CFH: variants seen among roughly 807,000 people sequenced by gnomAD.
The protein encoded by CFH is H factor 1 (complement).
A neutral mutation model predicts 147.3 loss-of-function variants in CFH; 53 were observed. The ratio of observed to expected loss-of-function variants is 0.36; its 90% CI spans 0.29 to 0.45. The LOEUF (loss-of-function observed/expected upper bound fraction) is 0.45, where lower values mean the gene tolerates loss of function less well. Among genes scored for constraint, CFH ranks in the 20% least tolerant of loss-of-function variants. The probability of loss-of-function intolerance (pLI) is 1.00; values close to 1 mark genes in which losing one functional copy is unlikely to be tolerated. For synonymous variants in CFH, 536 were observed against 489.4 expected (o/e 1.10, Z -1.26); for missense variants, 1,380 against 1,498.0 (o/e 0.92, Z 1.30).
intron 15 of CFH, among the ~76,000 whole-genome samples, chr1:196,734,249 A>G (rs1017282119): frequency 6.6e-6 from 1 of 152,108 alleles, no homozygotes; most frequent in African/African-American, 2.4e-5. Context: ...CCTGTTAAGT[A>G]GGAGTCCCTT....
intron 9 of CFH, among the ~76,000 whole-genome samples, chr1:196,706,226 G>A (rs2300429): frequency 0.23 from 35,652 of 151,968 alleles, 4,931 homozygotes; most frequent in African/African-American, 0.36. Context: ...TTTTATTGTT[G>A]TCCATGCTCA....
At chr1:196,677,224 C>CAAAAAAA in intron 4 of CFH, 1 of 379,292 alleles carries the variant, frequency 2.6e-6, no homozygotes, top group East Asian at 4.8e-5. Flanking sequence ...TTTGTTACTA[C>CAAAAAAA]AAAAATACAA....
rs756189687 is a variant in CFH at position 196,673,202 on chromosome 1, G to C, written c.244+39G>C. The C allele has an allele frequency of 9.1e-6, 14 of 1,540,102 alleles. No homozygotes were observed. In the South Asian group the frequency reaches 1.3e-4, roughly 15 times the overall value. ...ACATTTGTGAAATTTATGAAAACTA[G>C]GTGTAAAAATACTTAAGATTTAATA... On this transcript the variant is annotated intron_variant, in intron 2 of 21. Transcript: ENST00000367429.
chr1:196,739,585 T>C (rs1190485368), intron 17 of CFH, among the ~76,000 whole-genome samples: 1 of 152,166 alleles, frequency 6.6e-6, no homozygotes, highest in Non-Finnish European at 1.5e-5. Context: ...GACTTCATTG[T>C]CCATATCACT....
chr1:196,664,711 A>G (rs1182206334), intron 1 of CFH, among the ~76,000 whole-genome samples: 1 of 152,168 alleles, frequency 6.6e-6, no homozygotes, highest in Non-Finnish European at 1.5e-5. Context: ...ATAATTAAAT[A>G]TTACCCAAAC....
chr1:196,741,241 G>A, intron 18 of CFH: 1 of 188,582 alleles, frequency 5.3e-6, no homozygotes, highest in Non-Finnish European at 1.1e-5. Context: ...TCACACTGCT[G>A]TAAAGACCTT....
chr1:196,691,677 C>T (rs1392309572), intron 9 of CFH, among the ~76,000 whole-genome samples: 5 of 151,730 alleles, frequency 3.3e-5, no homozygotes, highest in Admixed American at 1.3e-4. Context: ...TTTAATTATA[C>T]GTAATGCAAA....
At chr1:196,714,284 G>A (rs1332341180) in intron 10 of CFH, among the ~76,000 whole-genome samples, 1 of 151,888 alleles carries the variant, frequency 6.6e-6, no homozygotes, top group African/African-American at 2.4e-5. Flanking sequence ...CAAAAGCAAT[G>A]TTTTTATTGA....
chr1:196,734,227 T>C (rs1669345920), intron 15 of CFH, among the ~76,000 whole-genome samples: 1 of 152,140 alleles, frequency 6.6e-6, no homozygotes, highest in Admixed American at 6.6e-5. Context: ...AATGTGAATG[T>C]TGTCTTTGTT....
At chr1:196,662,869 C>A (rs907740394) in intron 1 of CFH, among the ~76,000 whole-genome samples, 2 of 124,090 alleles carry the variant, frequency 1.6e-5, no homozygotes, top group Non-Finnish European at 3.1e-5. Flanking sequence ...CAATAGAGAT[C>A]TTGTCAAAAA....
At chr1:196,690,031 CT>C (rs781515790) in intron 8 of CFH, 31 bp from the exon 9 acceptor site, 3 of 1,568,110 alleles carry the variant, frequency 1.9e-6, no homozygotes, top group South Asian at 1.1e-5. Flanking sequence ...TTCTCATTTA[CT>C]TTATTTATTT....
chr1:196,692,807 TTTCTTTCTTTCTTTC>T (rs1558163794), intron 9 of CFH, among the ~76,000 whole-genome samples: 3,893 of 82,622 alleles, frequency 0.047, 300 homozygotes, highest in East Asian at 0.11. Context: ...TCTTTCTTTC[TTTCTTTCTTTCTTTC>T]TCTTTCCTTC....
intron 1 of CFH, among the ~76,000 whole-genome samples, chr1:196,669,666 G>T (rs1165954423): frequency 6.6e-6 from 1 of 152,172 alleles, no homozygotes; most frequent in Non-Finnish European, 1.5e-5. Context: ...GTATATAAGT[G>T]CTTAGATGTC....
At chr1:196,712,311 G>T (rs1361455246) in intron 9 of CFH, among the ~76,000 whole-genome samples, 1 of 151,468 alleles carries the variant, frequency 6.6e-6, no homozygotes, top group African/African-American at 2.4e-5. Flanking sequence ...ATTTGGATTT[G>T]TTTCAAAATT....
At chr1:196,739,975 G>T (rs1032444926) in intron 17 of CFH, among the ~76,000 whole-genome samples, 4 of 152,178 alleles carry the variant, frequency 2.6e-5, no homozygotes, top group Admixed American at 1.3e-4. Context: ...AAGCAAACAT[G>T]TCCTTCTTCA....
rs375439160 is a variant in CFH at position 196,737,542 on chromosome 1, A to G, written c.2664A>G (p.Gln888=). 3.7e-6 allele frequency: 6 copies of G among 1,613,370 alleles called. No homozygotes were observed. Among genetic ancestry groups the G allele is most frequent in the African/African-American group, 1.3e-5 (1 of 74,910 alleles). The part of the protein sequence containing the change: ...HGTINSSRSS[Q]ESYAHGTKLS... ...CCATTAATTCATCCAGGTCTTCACA[A>G]GAAAGTTATGCACATGGGACTAAAT... The change falls in exon 17 of 22, where the codon CAA becomes CAG. Residue 888 remains glutamine, a synonymous_variant. Coordinates refer to ENST00000367429, the MANE Select transcript of CFH (RefSeq NM_000186.4).
intron 15 of CFH, 54 bp from the exon 16 acceptor site, chr1:196,736,769 AT>A: frequency 1.1e-6 from 1 of 910,586 alleles, no homozygotes; most frequent in Non-Finnish European, 1.4e-6. Flanking sequence ...TAATTTTAAT[AT>A]TTTTATTTTT....
At chr1:196,686,844 G>A (rs1347960835) in intron 7 of CFH, among the ~76,000 whole-genome samples, 1 of 152,056 alleles carries the variant, frequency 6.6e-6, no homozygotes. Flanking sequence ...TAGAGGAGTT[G>A]ATGAGTTATA....
intron 1 of CFH, among the ~76,000 whole-genome samples, chr1:196,665,120 A>T (rs1363974435): frequency 6.6e-6 from 1 of 151,652 alleles, no homozygotes; most frequent in Non-Finnish European, 1.5e-5. Context: ...GTTCTTAAGT[A>T]AATGATCTAT....
Sources: allele counts gnomAD v4.1 joint callset (sites outside exome capture counted in the v4.1 genomes callset), GRCh38; gene constraint gnomAD v4.1.1; transcripts MANE v1.5; gene names NCBI Gene and HGNC (gene_info 2026-07-23, HGNC 2026-07-21).